Variants in ATP11C observed in about 807,000 individuals in gnomAD.
The protein encoded by ATP11C is ATPase phospholipid transporting 11C (ATP11C blood group).
Under a neutral mutation model 97.4 loss-of-function variants are expected in ATP11C, and 36 were observed. The ratio of observed to expected loss-of-function variants is 0.37; its 90% CI spans 0.28 to 0.49. The LOEUF is 0.49. Among genes scored for constraint, ATP11C ranks in the 20% least tolerant of loss-of-function variants. ATP11C has a pLI of 0.98. For synonymous variants in ATP11C, 275 were observed against 290.9 expected (o/e 0.95, Z 0.56); for missense variants, 730 against 824.6 (o/e 0.89, Z 1.40).
chrX:139,891,041 C>T (rs1312799170), intron 1 of ATP11C, among the ~76,000 whole-genome samples: 1 of 110,287 alleles, frequency 9.1e-6, no homozygotes, highest in Non-Finnish European at 1.9e-5. Flanking sequence ...GAGAAGTAGG[C>T]ATGAATCAGA....
intron 1 of ATP11C, among the ~76,000 whole-genome samples, chrX:139,850,014 C>T (rs767785168): frequency 8.9e-5 from 10 of 112,032 alleles, no homozygotes; most frequent in Non-Finnish European, 1.7e-4. Context: ...TCCTACCCTC[C>T]AGAATTGTTA....
At chrX:139,847,211 T>C (rs987839456) in intron 1 of ATP11C, among the ~76,000 whole-genome samples, 18 of 106,047 alleles carry the variant, frequency 1.7e-4, no homozygotes, top group Non-Finnish European at 3.3e-4. Context: ...ATAGTAAAAC[T>C]TCTCTACAAA....
chrX:139,785,583 A>C (rs1367946815), intron 15 of ATP11C, among the ~76,000 whole-genome samples: 1 of 111,449 alleles, frequency 9.0e-6, no homozygotes, highest in East Asian at 2.8e-4. Context: ...CCACCAAGCC[A>C]TATTTGGAGG....
chrX:139,832,004 G>T, intron 1 of ATP11C: 1 of 556,356 alleles, frequency 1.8e-6, no homozygotes, highest in Non-Finnish European at 2.8e-6. Flanking sequence ...GATAGGAGCA[G>T]TGAGGCTGAA....
intron 1 of ATP11C, among the ~76,000 whole-genome samples, chrX:139,861,288 TCAC>T (rs2084190963): frequency 9.0e-6 from 1 of 111,358 alleles, no homozygotes; most frequent in Non-Finnish European, 1.9e-5. Flanking sequence ...AGGTATTCCC[TCAC>T]TATTTTATTC....
rs1422048828 is a variant in ATP11C at position 139,932,238 on chromosome X, C to T, written c.-196G>A. On this transcript the variant is annotated 5_prime_UTR_variant, in exon 1 of 30. Transcript: ENST00000682941. ...CCCCAGCCGCCCGCAGCCTAGCCGC[C>T]GCCCCGCCTCACTCGCGGCCCGCCC... The T allele has an allele frequency of 1.3e-5, 2 of 152,911 alleles. No homozygotes were observed. Among genetic ancestry groups the T allele is most frequent in the African/African-American group, 6.5e-5 (2 of 30,899 alleles). 12.6% of individuals were successfully genotyped at this position (152,911 alleles called of 1,213,427 possible).
At chrX:139,933,412 G>A (rs763245411), upstream of ATP11C, among the ~76,000 whole-genome samples, 1 of 112,108 alleles carries the variant, frequency 8.9e-6, no homozygotes, top group Admixed American at 9.4e-5. Flanking sequence ...GTGCGCATCA[G>A]GAAACCCTCT....
At chrX:139,860,104 C>CA (rs1245214221) in intron 1 of ATP11C, among the ~76,000 whole-genome samples, 2,390 of 20,050 alleles carry the variant, frequency 0.12, 241 homozygotes, top group African/African-American at 0.26. Flanking sequence ...GACTCCGTCT[C>CA]AAAAAAAAAA....
chrX:139,924,258 T>C (rs769438816), intron 1 of ATP11C: 13 of 378,589 alleles, frequency 3.4e-5, no homozygotes, highest in Non-Finnish European at 4.3e-5. Context: ...GCTGCTCTTC[T>C]GCTTCAAGTG....
chrX:139,847,046 A>G (rs1457232024), intron 1 of ATP11C, among the ~76,000 whole-genome samples: 1 of 110,523 alleles, frequency 9.0e-6, no homozygotes, highest in African/African-American at 3.3e-5. Flanking sequence ...CACTCCACAT[A>G]CATGACCTAA....
intron 18 of ATP11C, among the ~76,000 whole-genome samples, chrX:139,778,905 T>G (rs1025262429): frequency 7.2e-5 from 8 of 111,623 alleles, no homozygotes; most frequent in African/African-American, 2.6e-4. Context: ...AGATCTATCA[T>G]GCAAATAGAA....
intron 1 of ATP11C, among the ~76,000 whole-genome samples, chrX:139,872,945 C>T (rs2148021670): frequency 8.9e-6 from 1 of 112,267 alleles, no homozygotes. Flanking sequence ...AGCAATAGGG[C>T]TTGTTTTTCC....
At chrX:139,881,655 C>A (rs966388229) in intron 1 of ATP11C, among the ~76,000 whole-genome samples, 2 of 112,017 alleles carry the variant, frequency 1.8e-5, no homozygotes, top group African/African-American at 6.5e-5. Flanking sequence ...TTCAGCTGCA[C>A]TGAATACTAA....
intron 2 of ATP11C, among the ~76,000 whole-genome samples, chrX:139,824,886 G>A (rs1294092971): frequency 9.0e-6 from 1 of 111,488 alleles, no homozygotes; most frequent in African/African-American, 3.3e-5. Flanking sequence ...CTACAAAGTT[G>A]GAAGGCAGCT....
intron 18 of ATP11C, among the ~76,000 whole-genome samples, chrX:139,780,500 AC>A (rs1603360834): frequency 9.3e-6 from 1 of 107,393 alleles, no homozygotes; most frequent in African/African-American, 3.6e-5. Flanking sequence ...AATTTGACAT[AC>A]CTTGATGATA....
intron 23 of ATP11C, among the ~76,000 whole-genome samples, chrX:139,753,624 C>G (rs1273917767): frequency 3.6e-5 from 4 of 111,257 alleles, no homozygotes; most frequent in African/African-American, 1.3e-4. Context: ...GCCTGACCAA[C>G]ATGCTGAAAC....
chrX:139,936,256 C>T (rs2085515154), upstream of ATP11C, among the ~76,000 whole-genome samples: 1 of 111,792 alleles, frequency 8.9e-6, no homozygotes. Flanking sequence ...ACACATCCTT[C>T]AGAGTCACTC....
intron 25 of ATP11C, among the ~76,000 whole-genome samples, chrX:139,744,168 CAT>C (rs1287596092): frequency 9.1e-6 from 1 of 110,175 alleles, no homozygotes; most frequent in Non-Finnish European, 1.9e-5. Context: ...ATGAATGGCA[CAT>C]ATGCTTACCA....
chrX:139,816,182 T>C (rs1446063532), intron 4 of ATP11C, among the ~76,000 whole-genome samples: 1 of 111,941 alleles, frequency 8.9e-6, no homozygotes, highest in Non-Finnish European at 1.9e-5. Flanking sequence ...CAAGCTTCTT[T>C]GGTACCCTTT....
Sources: allele counts gnomAD v4.1 joint callset (sites outside exome capture counted in the v4.1 genomes callset), GRCh38; gene constraint gnomAD v4.1.1; transcripts MANE v1.5; gene names NCBI Gene and HGNC (gene_info 2026-07-23, HGNC 2026-07-21).